VPS53: variants seen among roughly 807,000 people sequenced by gnomAD.
VPS53 encodes VPS53 subunit of GARP complex.
VPS53 carries 70 observed loss-of-function variants against 107.0 expected under a neutral mutation model. The ratio of observed to expected loss-of-function variants is 0.65; its 90% CI spans 0.54 to 0.80. The LOEUF (loss-of-function observed/expected upper bound fraction) is 0.80, where lower values mean the gene tolerates loss of function less well. Among genes scored for constraint, VPS53 ranks in the 30% least tolerant of loss-of-function variants. The pLI is 0.00. For synonymous variants in VPS53, 409 were observed against 393.3 expected (o/e 1.04, Z -0.47); for missense variants, 917 against 1,049.4 (o/e 0.87, Z 1.74).
At chr17:572,584 A>G (rs1426598515) in intron 13 of VPS53, among the ~76,000 whole-genome samples, 1 of 151,884 alleles carries the variant, frequency 6.6e-6, no homozygotes, top group African/African-American at 2.4e-5. Flanking sequence ...TGTGGAATAG[A>G]AAGGCGGGAA....
intron 2 of VPS53, among the ~76,000 whole-genome samples, chr17:701,190 G>C (rs1373992477): frequency 6.6e-6 from 1 of 151,940 alleles, no homozygotes; most frequent in Non-Finnish European, 1.5e-5. Flanking sequence ...GCCAGGCATG[G>C]TGGCATGTGC....
intron 2 of VPS53, among the ~76,000 whole-genome samples, chr17:703,103 G>A (rs1285015566): frequency 6.6e-6 from 1 of 152,194 alleles, no homozygotes; most frequent in Admixed American, 6.5e-5. Context: ...CAGCTACTCA[G>A]GAGGCTGAGG....
intron 17 of VPS53, among the ~76,000 whole-genome samples, chr17:548,766 G>A (rs1204408145): frequency 6.6e-6 from 1 of 152,192 alleles, no homozygotes; most frequent in Non-Finnish European, 1.5e-5. Flanking sequence ...GGAGCCCCTG[G>A]GATGTTGAAT....
chr17:640,551 C>T (rs1046220227), intron 7 of VPS53, among the ~76,000 whole-genome samples: 8 of 152,054 alleles, frequency 5.3e-5, no homozygotes, highest in African/African-American at 1.4e-4. Flanking sequence ...CTGCCTATGT[C>T]GCCATGTTCT....
At chr17:571,300 G>GA (rs1914029069) in intron 13 of VPS53, among the ~76,000 whole-genome samples, 1 of 151,914 alleles carries the variant, frequency 6.6e-6, no homozygotes, top group African/African-American at 2.4e-5. Context: ...AAAAGAAAAA[G>GA]AAGGAAGAGA....
rs113308138 is a variant in VPS53, at chr17:516,459, C to T, written c.*2669G>A. 0.14 allele frequency: 21,054 copies of T among 152,098 alleles called. 3,837 individuals carry two copies. The highest frequency in any genetic ancestry group is 0.4 in the African/African-American group (16,698 of 41,382). 9.4% of individuals were successfully genotyped at this position (152,098 alleles called of 1,614,324 possible). A position where few individuals can be genotyped will look rare whatever the true frequency, so the allele number is the denominator to read the frequency against. On this transcript the variant is annotated 3_prime_UTR_variant, in exon 22 of 22. Transcript: ENST00000437048. ...TCGGCTCACTGCAATCTTTGCCTCC[C>T]GGGTTCAAGCGATTCTCCTGCCTCA...
intron 19 of VPS53, among the ~76,000 whole-genome samples, chr17:529,176 G>GT (rs1308160682): frequency 6.6e-6 from 1 of 151,912 alleles, no homozygotes; most frequent in East Asian, 1.9e-4. Context: ...CATAAATCAA[G>GT]TATCTACACA....
At position 509,299 on chromosome 17, in the gene VPS53, T is replaced by TG. The variant is rs201164240; in HGVS notation, c.*9828dup. Reference sequence around the variant, plus strand: ...TACTAGCCACATATCAAATCCTGGCTGACCCCTCACTAGGTACATATCGAA... The same window carrying TG: ...TACTAGCCACATATCAAATCCTGGCTGGACCCCTCACTAGGTACATATCGAA... On this transcript the variant is annotated 3_prime_UTR_variant, in exon 22 of 22. Coordinates refer to ENST00000437048, the MANE Select transcript of VPS53 (RefSeq NM_001128159.3). 1,626 of 153,946 alleles carry TG rather than the reference T, an allele frequency of 0.011. 14 individuals are homozygous for TG. The highest frequency in any genetic ancestry group is 0.015 in the Non-Finnish European group (1,077 of 69,932). 9.5% of individuals were successfully genotyped at this position (153,946 alleles called of 1,614,324 possible).
intron 5 of VPS53, 134 bp from the exon 6 acceptor site, chr17:656,087 T>C (rs749957461): frequency 1.9e-5 from 12 of 621,744 alleles, no homozygotes; most frequent in Non-Finnish European, 3.0e-5. Flanking sequence ...ATTCTCACAA[T>C]ACAAAATAAA....
chr17:571,545 CCACGG>C (rs1567636797), intron 13 of VPS53, among the ~76,000 whole-genome samples: 7 of 134,464 alleles, frequency 5.2e-5, no homozygotes, highest in African/African-American at 2.0e-4. Flanking sequence ...CTCCCTCTCC[CCACGG>C]TCTCCCTCTC....
intron 4 of VPS53, among the ~76,000 whole-genome samples, chr17:687,753 A>T (rs185250600): frequency 7.2e-5 from 11 of 152,182 alleles, no homozygotes; most frequent in African/African-American, 2.6e-4. Flanking sequence ...CAAATAAATA[A>T]ATAAGTGGAT....
chr17:582,709 G>A (rs1210571439), intron 13 of VPS53, among the ~76,000 whole-genome samples: 3 of 144,546 alleles, frequency 2.1e-5, no homozygotes, highest in Admixed American at 7.2e-5. Context: ...AACCTAATGC[G>A]TTCCGAGATA....
At chr17:657,173 G>A (rs1971228634) in intron 5 of VPS53, 1 of 1,518,082 alleles carries the variant, frequency 6.6e-7, no homozygotes. Flanking sequence ...GTCACCAGAT[G>A]AGGGATTCCT....
At chr17:612,640 C>T (rs532845957) in intron 11 of VPS53, among the ~76,000 whole-genome samples, 1 of 150,458 alleles carries the variant, frequency 6.6e-6, no homozygotes, top group Admixed American at 6.6e-5. Context: ...TGAGTTCACA[C>T]AGCGAAAACC....
chr17:679,592 T>C (rs73976853), intron 4 of VPS53, among the ~76,000 whole-genome samples: 4,017 of 152,228 alleles, frequency 0.026, 64 homozygotes, highest in East Asian at 0.07. Context: ...CTTAAACATC[T>C]GAGTAAAATT....
Position 714,777 on chromosome 17 carries a change from C to A in VPS53, c.-68G>T. On this transcript the variant is annotated 5_prime_UTR_variant, in exon 1 of 22. Transcript: ENST00000437048. ...TCAGGCCTCCAGCCGCCACCCAGGCCCCAGCACAGCAACTCCCTCGCGGCA... is the reference window on the plus strand; with the variant it reads ...TCAGGCCTCCAGCCGCCACCCAGGCACCAGCACAGCAACTCCCTCGCGGCA... The A allele has an allele frequency of 6.4e-7, 1 of 1,565,704 alleles. No homozygotes were observed. Among genetic ancestry groups the A allele is most frequent in the Non-Finnish European group, 8.8e-7 (1 of 1,137,962 alleles).
chr17:650,023 C>G (rs750720246), intron 7 of VPS53, among the ~76,000 whole-genome samples: 1 of 152,130 alleles, frequency 6.6e-6, no homozygotes, highest in Non-Finnish European at 1.5e-5. Context: ...GACAAAGAGA[C>G]AGAAAGCATG....
At position 547,099 on chromosome 17, in the gene VPS53, A is replaced by G. The variant is rs181946830; in HGVS notation, c.1866+4773T>C. Among the ~76,000 whole-genome samples, 21 of 150,026 alleles carry G rather than the reference A, an allele frequency of 1.4e-4. No homozygotes were observed. In the East Asian group the frequency reaches 2.3e-3, roughly 17 times the overall value. Reference sequence around the variant, plus strand: ...GCCATGTTGGCCAGGCTGGTCTTGAACTCCTGACCTCAGGTGATCTGCCCA... The same window carrying G: ...GCCATGTTGGCCAGGCTGGTCTTGAGCTCCTGACCTCAGGTGATCTGCCCA... On this transcript the variant is annotated intron_variant, in intron 17 of 21. Coordinates refer to ENST00000437048, the MANE Select transcript of VPS53 (RefSeq NM_001128159.3).
At chr17:540,078 C>A (rs953860952) in intron 17 of VPS53, among the ~76,000 whole-genome samples, 2 of 151,044 alleles carry the variant, frequency 1.3e-5, no homozygotes, top group African/African-American at 4.9e-5. Flanking sequence ...CCCGCCCCCG[C>A]CACCCTGCCC....
Sources: allele counts gnomAD v4.1 joint callset (sites outside exome capture counted in the v4.1 genomes callset), GRCh38; gene constraint gnomAD v4.1.1; transcripts MANE v1.5; gene names NCBI Gene and HGNC (gene_info 2026-07-23, HGNC 2026-07-21).